CNTNAP5: variants seen among roughly 807,000 people sequenced by gnomAD.
CNTNAP5 encodes contactin associated protein family member 5.
In CNTNAP5, 72 loss-of-function variants were observed where a neutral mutation model predicts 150.2. The observed-to-expected ratio is 0.48, with a 90% CI of 0.40 to 0.58. The LOEUF is 0.58. CNTNAP5 is among the 20% of genes least tolerant of loss of function. The pLI, the probability that CNTNAP5 is intolerant of heterozygous loss-of-function variation, is 0.00. For synonymous variants in CNTNAP5, 672 were observed against 619.8 expected (o/e 1.08, Z -1.25); for missense variants, 1,636 against 1,626.2 (o/e 1.01, Z -0.10).
At chr2:124,429,153 C>A (rs566976566) in intron 4 of CNTNAP5, among the ~76,000 whole-genome samples, 1 of 152,272 alleles carries the variant, frequency 6.6e-6, no homozygotes, top group African/African-American at 2.4e-5. Context: ...TAACAGCAAC[C>A]TATAACCATG....
chr2:124,058,229 A>C (rs1681908983), intron 1 of CNTNAP5, among the ~76,000 whole-genome samples: 1 of 152,140 alleles, frequency 6.6e-6, no homozygotes, highest in Non-Finnish European at 1.5e-5. Context: ...ACGTGTAACA[A>C]TAGAATAAAG....
At chr2:124,454,744 C>T (rs182272022) in intron 6 of CNTNAP5, among the ~76,000 whole-genome samples, 7 of 152,184 alleles carry the variant, frequency 4.6e-5, no homozygotes, top group Admixed American at 1.3e-4. Context: ...AAGGAACATT[C>T]AAAACCATGC....
chr2:124,908,252 T>A (rs1339078142), intron 22 of CNTNAP5, among the ~76,000 whole-genome samples: 1 of 151,966 alleles, frequency 6.6e-6, no homozygotes, highest in Non-Finnish European at 1.5e-5. Flanking sequence ...ACACCTGTAA[T>A]CCCAGCTACT....
intron 14 of CNTNAP5, among the ~76,000 whole-genome samples, chr2:124,759,489 C>T (rs1294993362): frequency 6.7e-6 from 1 of 149,356 alleles, no homozygotes; most frequent in African/African-American, 2.5e-5. Flanking sequence ...CAAATTATGA[C>T]TCCCAAAATC....
intron 12 of CNTNAP5, among the ~76,000 whole-genome samples, chr2:124,624,676 G>A (rs1677683158): frequency 6.6e-6 from 1 of 152,194 alleles, no homozygotes; most frequent in Admixed American, 6.5e-5. Context: ...GTTTGGAGAA[G>A]ATGGACATTG....
rs1681597196 is a variant in CNTNAP5, at chr2:124,786,506, A to AG, written c.2753-3396_2753-3395insG. On this transcript the variant is annotated intron_variant, in intron 17 of 23. Coordinates refer to ENST00000682447, the MANE Select transcript of CNTNAP5 (RefSeq NM_001367498.1). The stretch of plus-strand genomic sequence containing the variant: ...AAGGAGGGAAGGAAGGGAGGGAAAG[A>AG]AAAAGAAAGAAAGAAAGAGAAAGAA... 3.6e-4 allele frequency among the ~76,000 whole-genome samples: 48 copies of AG among 134,024 alleles called. 2 individuals carry two copies. The highest frequency in any genetic ancestry group is 3.0e-3 in the Admixed American group (42 of 13,864). The allele number at this position is 134,024 out of a possible 152,430, so 87.9% of individuals were successfully genotyped here.
intron 1 of CNTNAP5, among the ~76,000 whole-genome samples, chr2:124,127,595 T>G (rs1357185530): frequency 6.6e-6 from 1 of 152,184 alleles, no homozygotes; most frequent in Non-Finnish European, 1.5e-5. Flanking sequence ...AGAGCCTACA[T>G]TGCCAAGAAA....
At position 124,109,075 on chromosome 2, in the gene CNTNAP5, A is replaced by G. The variant is rs1683235439; in HGVS notation, c.82+83343A>G. ...AAAAGCACAGAGATGTGAGGTCTTC[A>G]ATCACGGGCAGCTTCCTGAGCCGGC... On this transcript the variant is annotated intron_variant, in intron 1 of 23. Coordinates refer to ENST00000682447, the MANE Select transcript of CNTNAP5 (RefSeq NM_001367498.1). Among the ~76,000 whole-genome samples the G allele has an allele frequency of 2.0e-5, 3 of 152,192 alleles. No homozygotes were observed. In the South Asian group the frequency reaches 6.2e-4, roughly 32 times the overall value.
intron 14 of CNTNAP5, among the ~76,000 whole-genome samples, chr2:124,756,987 T>C (rs570258686): frequency 7.9e-5 from 12 of 152,250 alleles, no homozygotes; most frequent in Admixed American, 3.9e-4. Context: ...AATGCATGTA[T>C]GCAATGAACA....
chr2:124,163,649 C>T (rs1684741216), intron 1 of CNTNAP5, among the ~76,000 whole-genome samples: 1 of 152,130 alleles, frequency 6.6e-6, no homozygotes, highest in South Asian at 2.1e-4. Flanking sequence ...AATGTGGTTT[C>T]CTCCCTTAAA....
chr2:124,747,420 G>A (rs1482564222), intron 14 of CNTNAP5, 35 bp downstream of exon 14: 1 of 1,611,758 alleles, frequency 6.2e-7, no homozygotes, highest in East Asian at 2.2e-5. Flanking sequence ...CAATTGTAGA[G>A]AAAGCACATT....
intron 19 of CNTNAP5, among the ~76,000 whole-genome samples, chr2:124,830,176 G>A (rs1025878737): frequency 6.6e-6 from 1 of 151,660 alleles, no homozygotes; most frequent in African/African-American, 2.4e-5. Context: ...ACTTAATTTA[G>A]AATTTTGATC....
At chr2:124,541,649 C>T (rs1178116334) in intron 10 of CNTNAP5, among the ~76,000 whole-genome samples, 1 of 152,048 alleles carries the variant, frequency 6.6e-6, no homozygotes, top group African/African-American at 2.4e-5. Context: ...GAAACTCGAA[C>T]AAATAATAAG....
intron 13 of CNTNAP5, among the ~76,000 whole-genome samples, chr2:124,737,178 C>G (rs1176198186): frequency 6.6e-6 from 1 of 151,682 alleles, no homozygotes; most frequent in Admixed American, 6.6e-5. Context: ...GTAATCCCAA[C>G]TACTCAGGAG....
At chr2:124,609,044 G>A (rs188570128) in intron 11 of CNTNAP5, among the ~76,000 whole-genome samples, 1 of 152,218 alleles carries the variant, frequency 6.6e-6, no homozygotes, top group Admixed American at 6.5e-5. Context: ...CTCAGGCCCT[G>A]CTGTGATTGT....
chr2:124,497,046 A>G (rs900828804), intron 7 of CNTNAP5, among the ~76,000 whole-genome samples: 4 of 152,206 alleles, frequency 2.6e-5, no homozygotes, highest in African/African-American at 9.7e-5. Flanking sequence ...CAGTGTTTGA[A>G]GCAGTGGTGA....
intron 1 of CNTNAP5, among the ~76,000 whole-genome samples, chr2:124,135,800 C>T (rs1319948825): frequency 6.6e-6 from 1 of 152,204 alleles, no homozygotes; most frequent in Non-Finnish European, 1.5e-5. Context: ...TGTGTATTTA[C>T]ACAAACTGTG....
chr2:124,406,814 A>G (rs1000280294), intron 3 of CNTNAP5, among the ~76,000 whole-genome samples: 1 of 152,160 alleles, frequency 6.6e-6, no homozygotes, highest in Admixed American at 6.5e-5. Flanking sequence ...ATCTAACTAC[A>G]TGTTTGTACC....
At chr2:124,100,080 C>T (rs1254155008) in intron 1 of CNTNAP5, among the ~76,000 whole-genome samples, 3 of 129,572 alleles carry the variant, frequency 2.3e-5, no homozygotes. Context: ...TTTTTCTCAC[C>T]GTTATGCAGC....
Sources: allele counts gnomAD v4.1 joint callset (sites outside exome capture counted in the v4.1 genomes callset), GRCh38; gene constraint gnomAD v4.1.1; transcripts MANE v1.5; gene names NCBI Gene and HGNC (gene_info 2026-07-23, HGNC 2026-07-21).